The following RB1 variants were observed in gnomAD, a reference collection of about 807,000 sequenced individuals.
RB1 encodes the protein RB transcriptional corepressor 1.
Under a neutral mutation model 135.4 loss-of-function variants are expected in RB1, and 18 were observed. The ratio of observed to expected loss-of-function variants is 0.13; its 90% CI spans 0.09 to 0.20. The LOEUF (loss-of-function observed/expected upper bound fraction) is 0.20, where lower values mean the gene tolerates loss of function less well. RB1 is among the 10% of genes least tolerant of loss of function. The pLI, the probability that RB1 is intolerant of heterozygous loss-of-function variation, is 1.00. For missense variants in RB1, 868 were observed against 1,110.0 expected (o/e 0.78, Z 3.10); for synonymous variants, 365 against 373.2 (o/e 0.98, Z 0.25).
intron 12 of RB1, among the ~76,000 whole-genome samples, chr13:48,376,433 G>A (rs1163563408): frequency 6.6e-6 from 1 of 150,820 alleles, no homozygotes; most frequent in East Asian, 1.9e-4. Context: ...TTGGGAGGCG[G>A]AGGTTGCAGT....
chr13:48,387,750 T>A (rs964636944), intron 17 of RB1, among the ~76,000 whole-genome samples: 1 of 152,202 alleles, frequency 6.6e-6, no homozygotes, highest in South Asian at 2.1e-4. Context: ...AATTAAATTT[T>A]AACTAAATTA....
In RB1 at chr13:48,432,809, C is replaced by G. The variant is rs547364275; in HGVS notation, c.1696-20184C>G. 8.6e-5 allele frequency among the ~76,000 whole-genome samples: 13 copies of G among 151,958 alleles called. No individual in the cohort carries two copies. In the South Asian group the frequency reaches 2.5e-3, roughly 29 times the overall value. Reference sequence around the variant, plus strand: ...AATTTATAATATAGGAGAGATATTACTATTAAGGCTCTTGAAAAGCAATTA... The same window carrying G: ...AATTTATAATATAGGAGAGATATTAGTATTAAGGCTCTTGAAAAGCAATTA... On this transcript the variant is annotated intron_variant, in intron 17 of 26. Transcript: ENST00000267163.
chr13:48,357,686 G>A (rs910092233), intron 6 of RB1, among the ~76,000 whole-genome samples: 1 of 151,964 alleles, frequency 6.6e-6, no homozygotes, highest in Non-Finnish European at 1.5e-5. Context: ...GGTGGTGATG[G>A]TGATGCTACC....
intron 2 of RB1, among the ~76,000 whole-genome samples, chr13:48,312,771 A>G (rs1952142638): frequency 6.6e-6 from 1 of 152,120 alleles, no homozygotes; most frequent in South Asian, 2.1e-4. Context: ...GTGGAAGCTT[A>G]TGTCATTGAC....
chr13:48,304,156 G>A lies in RB1; in HGVS notation c.137+107G>A, dbSNP rs2252544. On this transcript the variant is annotated intron_variant, in intron 1 of 26. Transcript: ENST00000267163. The stretch of plus-strand genomic sequence containing the variant: ...GGGATCCGTCCTCGCCAGGGGCCGG[G>A]TCCCGGCGGGAGGAGGCGCCCTCCC... 0.68 allele frequency: 840,556 copies of A among 1,231,632 alleles called. 296,411 individuals are homozygous for A. The highest frequency in any genetic ancestry group is 0.72 in the Non-Finnish European group (696,445 of 969,132). 76.3% of individuals were successfully genotyped at this position (1,231,632 alleles called of 1,614,324 possible).
chr13:48,411,771 C>T, intron 17 of RB1: 1 of 1,611,312 alleles, frequency 6.2e-7, no homozygotes, highest in South Asian at 1.1e-5. Context: ...TTTGCTTCTA[C>T]TTAATGTAAC....
At chr13:48,421,254 G>C (rs1949000727) in intron 17 of RB1, among the ~76,000 whole-genome samples, 1 of 151,306 alleles carries the variant, frequency 6.6e-6, no homozygotes, top group Non-Finnish European at 1.5e-5. Flanking sequence ...TCTCATCTTT[G>C]ACAAAGATGA....
At chr13:48,423,360 C>T (rs774719727) in intron 17 of RB1, among the ~76,000 whole-genome samples, 2 of 151,924 alleles carry the variant, frequency 1.3e-5, no homozygotes, top group African/African-American at 4.8e-5. Context: ...CTGCAACCTC[C>T]GCAGGTTGGG....
chr13:48,444,345 C>T (rs547577314), intron 17 of RB1, among the ~76,000 whole-genome samples: 4 of 152,192 alleles, frequency 2.6e-5, no homozygotes, highest in East Asian at 1.9e-4. Flanking sequence ...GGCAAAACCC[C>T]GTCTCTACTA....
At chr13:48,351,230 A>G (rs955907490) in intron 6 of RB1, among the ~76,000 whole-genome samples, 3 of 151,970 alleles carry the variant, frequency 2.0e-5, no homozygotes, top group Non-Finnish European at 4.4e-5. Flanking sequence ...TTCTTTTGCA[A>G]CCTCACCAGT....
At chr13:48,459,878 G>T (rs1404992132) in intron 20 of RB1, 45 bp downstream of exon 20, 1 of 1,369,844 alleles carries the variant, frequency 7.3e-7, no homozygotes. Flanking sequence ...CTACTTACTT[G>T]TTAACTGATT....
At chr13:48,461,406 T>C (rs909023560) in intron 20 of RB1, among the ~76,000 whole-genome samples, 1 of 152,224 alleles carries the variant, frequency 6.6e-6, no homozygotes, top group Non-Finnish European at 1.5e-5. Context: ...ATGCTTATCA[T>C]TCATAAAGTG....
chr13:48,385,134 T>C (rs1238577957), intron 17 of RB1, among the ~76,000 whole-genome samples: 1 of 152,202 alleles, frequency 6.6e-6, no homozygotes, highest in East Asian at 1.9e-4. Flanking sequence ...TTATTCCCTA[T>C]ATGATCTGTC....
At chr13:48,365,090 A>G in intron 9 of RB1, 119 bp downstream of exon 9, 1 of 1,260,786 alleles carries the variant, frequency 7.9e-7, no homozygotes, top group Non-Finnish European at 1.1e-6. Flanking sequence ...CCCAAGAAGA[A>G]TCTAGCCAAG....
Position 48,319,253 on chromosome 13 carries a change from T to G in RB1, c.264+11847T>G. Reference sequence around the variant, plus strand: ...TCCTGTGGGTCTCGCGCAAGGCACTTTTTTGTGGCGCTGCTTGTGCTGTGT... The same window carrying G: ...TCCTGTGGGTCTCGCGCAAGGCACTGTTTTGTGGCGCTGCTTGTGCTGTGT... On this transcript the variant is annotated intron_variant, in intron 2 of 26. Transcript: ENST00000267163. The surrounding 1 kb of genome is among the most constrained non-coding windows in gnomAD (Gnocchi z 5.0). The G allele has an allele frequency of 1.2e-6, 1 of 814,186 alleles. No individual in the cohort carries two copies. Among genetic ancestry groups the G allele is most frequent in the Non-Finnish European group, 1.8e-6 (1 of 540,912 alleles). 50.4% of individuals were successfully genotyped at this position (814,186 alleles called of 1,614,324 possible).
chr13:48,317,316 G>A (rs908848461), intron 2 of RB1: 4 of 392,588 alleles, frequency 1.0e-5, no homozygotes, highest in African/African-American at 8.2e-5. Context: ...CGGGGCCCTC[G>A]GACCCCTTGT....
intron 21 of RB1, among the ~76,000 whole-genome samples, chr13:48,464,365 T>C (rs1230956464): frequency 6.6e-6 from 1 of 152,208 alleles, no homozygotes; most frequent in Admixed American, 6.5e-5. Context: ...TCAAAAGTAA[T>C]ACAAACCAAG....
At chr13:48,348,686 T>C (rs1459977675) in intron 5 of RB1, among the ~76,000 whole-genome samples, 1 of 151,492 alleles carries the variant, frequency 6.6e-6, no homozygotes, top group Non-Finnish European at 1.5e-5. Context: ...CTTAATTTTT[T>C]TTTTTGCAGC....
intron 17 of RB1, among the ~76,000 whole-genome samples, chr13:48,449,341 C>A (rs1006654705): frequency 2.0e-5 from 3 of 152,148 alleles, no homozygotes; most frequent in African/African-American, 7.2e-5. Flanking sequence ...TCTTAAGAAA[C>A]CCCCATTGCG....
Sources: gnomAD v4.1 joint callset for allele counts (sites outside exome capture counted in the v4.1 genomes callset) on GRCh38, gnomAD v4.1.1 for gene constraint, Gnocchi (gnomAD v3.1) non-coding constraint, MANE v1.5 for transcripts, NCBI Gene and HGNC (gene_info 2026-07-23, HGNC 2026-07-21) for gene names.